The following CLOCK variants were observed in gnomAD, a reference collection of about 807,000 sequenced individuals.
The protein encoded by CLOCK is circadian locomoter output cycles protein kaput.
Under a neutral mutation model 118.4 loss-of-function variants are expected in CLOCK, and 43 were observed. That is an observed-to-expected ratio of 0.36 (90% CI 0.28 to 0.47). The LOEUF (loss-of-function observed/expected upper bound fraction) is 0.47. Ranked by LOEUF, CLOCK falls within the 20% of genes least tolerant of loss-of-function variation. The pLI is 1.00. For synonymous variants in CLOCK, 326 were observed against 339.2 expected (o/e 0.96, Z 0.43); for missense variants, 846 against 999.9 (o/e 0.85, Z 2.08).
chr4:55,474,000 T>C (rs905295773), intron 7 of CLOCK, among the ~76,000 whole-genome samples: 2 of 152,134 alleles, frequency 1.3e-5, no homozygotes, highest in African/African-American at 4.8e-5. Context: ...CTTTAAGTAT[T>C]CAAGTGAAAG....
rs1317731193 is a variant in CLOCK at position 55,478,883 on chromosome 4, C to T, written c.188G>A (p.Gly63Asp). The T allele has an allele frequency of 6.2e-7, 1 of 1,611,972 alleles. No individual in the cohort carries two copies. Among genetic ancestry groups the T allele is most frequent in the Non-Finnish European group, 8.5e-7 (1 of 1,178,748 alleles). The change falls in exon 6 of 23, where the codon GGT becomes GAT. Residue 63 changes from glycine (G) to aspartate (D), a missense_variant. This residue lies in a region of CLOCK where 246 missense variants were observed against 300.2 expected (regional missense o/e 0.82). Coordinates refer to ENST00000513440, the MANE Select transcript of CLOCK (RefSeq NM_004898.4). ...AGATTTGTCCATCTTTCTAGCATTA[C>T]CAGGAAGCATGGATCCCAGTTCTTT... ...LIKELGSMLP[G>D]NARKMDKSTV...
chr4:55,459,044 T>A (rs372647349), intron 10 of CLOCK, 34 bp from the exon 11 acceptor site: 111 of 1,562,946 alleles, frequency 7.1e-5, no homozygotes, highest in Admixed American at 2.8e-4. Context: ...TCATCAGTTA[T>A]GCCAGCAAAA....
chr4:55,455,334 T>C (rs189210830), intron 13 of CLOCK, among the ~76,000 whole-genome samples: 1 of 152,328 alleles, frequency 6.6e-6, no homozygotes, highest in African/African-American at 2.4e-5. Context: ...CTTACTGTGT[T>C]CTCAGCTTAC....
chr4:55,444,852 C>T, intron 18 of CLOCK, 67 bp from the exon 19 acceptor site: 1 of 1,501,600 alleles, frequency 6.7e-7, no homozygotes, highest in Non-Finnish European at 9.1e-7. Context: ...AATTGCACAA[C>T]ATGAAAAGTA....
chr4:55,542,948 C>A (rs7660980), intron 1 of CLOCK, among the ~76,000 whole-genome samples: 51,317 of 151,910 alleles, frequency 0.34, 9,356 homozygotes, highest in East Asian at 0.58. Flanking sequence ...AATCCAAGCA[C>A]CTTTTGGGTT....
Position 55,538,326 on chromosome 4 carries a change from C to T in CLOCK, c.-290+8456G>A, listed in dbSNP as rs180980392. On this transcript the variant is annotated intron_variant, in intron 1 of 22. Coordinates refer to ENST00000513440, the MANE Select transcript of CLOCK (RefSeq NM_004898.4). ...AGATAAACAGACCAATAGATGATGC[C>T]GATATTGGAAAAGACAAGCATTTAA... 5.5e-4 allele frequency among the ~76,000 whole-genome samples: 83 copies of T among 151,974 alleles called. 1 individual carries two copies. Among genetic ancestry groups the T allele is most frequent in the Non-Finnish European group, 9.0e-4 (61 of 67,982 alleles).
intron 1 of CLOCK, among the ~76,000 whole-genome samples, chr4:55,530,518 T>C (rs1205044897): frequency 6.6e-6 from 1 of 152,086 alleles, no homozygotes; most frequent in Non-Finnish European, 1.5e-5. Context: ...CTCATGCATA[T>C]AATCCCAGCA....
At chr4:55,479,024 T>C (rs1726734045) in intron 5 of CLOCK, 61 bp from the exon 6 acceptor site, 4 of 1,359,182 alleles carry the variant, frequency 2.9e-6, no homozygotes, top group Non-Finnish European at 4.1e-6. Context: ...AGTAGTTTAA[T>C]ACAATGTTAA....
rs1722338617 is a variant in CLOCK at position 55,428,732 on chromosome 4, C to A, written c.*6683G>T. ...ACAGAACATTATAAAGAATTTGGTG[C>A]ATGTTTTAACAACTACCAACTGATG... On this transcript the variant is annotated 3_prime_UTR_variant, in exon 23 of 23. Coordinates refer to ENST00000513440, the MANE Select transcript of CLOCK (RefSeq NM_004898.4). The A allele has an allele frequency of 1.3e-5, 2 of 151,486 alleles. No homozygotes were observed. Among genetic ancestry groups the A allele is most frequent in the African/African-American group, 4.9e-5 (2 of 41,196 alleles). 9.4% of individuals were successfully genotyped at this position (151,486 alleles called of 1,614,324 possible).
At chr4:55,501,479 C>A (rs11724094) in intron 2 of CLOCK, 51,803 of 151,542 alleles carry the variant, frequency 0.34, 9,537 homozygotes, top group East Asian at 0.58. Context: ...GTGTGGTGGC[C>A]TAATCACAGC....
At chr4:55,450,819 A>G (rs1452654090) in intron 15 of CLOCK, among the ~76,000 whole-genome samples, 1 of 152,010 alleles carries the variant, frequency 6.6e-6, no homozygotes, top group Non-Finnish European at 1.5e-5. Flanking sequence ...AAATTTTAAC[A>G]GCTAAAACTA....
intron 2 of CLOCK, among the ~76,000 whole-genome samples, chr4:55,490,643 T>C (rs1352474779): frequency 6.6e-6 from 1 of 152,188 alleles, no homozygotes; most frequent in Non-Finnish European, 1.5e-5. Flanking sequence ...TCCTCCCCTA[T>C]ACTTTAAATC....
intron 7 of CLOCK, among the ~76,000 whole-genome samples, chr4:55,473,015 T>C (rs1726254459): frequency 6.6e-6 from 1 of 152,084 alleles, no homozygotes; most frequent in Non-Finnish European, 1.5e-5. Context: ...CACCTGAGGC[T>C]GAGTTTGAGA....
chr4:55,530,959 A>G (rs1730504553), intron 1 of CLOCK, among the ~76,000 whole-genome samples: 1 of 151,998 alleles, frequency 6.6e-6, no homozygotes, highest in Non-Finnish European at 1.5e-5. Flanking sequence ...GGAGGGCTCT[A>G]AGAGTGATAT....
intron 1 of CLOCK, among the ~76,000 whole-genome samples, chr4:55,520,626 CA>C (rs1224831428): frequency 2.0e-5 from 3 of 152,016 alleles, no homozygotes; most frequent in Non-Finnish European, 2.9e-5. Context: ...TTCTCCCTCC[CA>C]AATCTTTTTA....
rs762661059 is a variant in CLOCK, at chr4:55,450,145, C to G, written c.1294G>C (p.Ala432Pro). 3.1e-5 allele frequency: 50 copies of G among 1,613,866 alleles called. No homozygotes were observed. The highest frequency in any genetic ancestry group is 4.0e-5 in the Non-Finnish European group (47 of 1,179,980). Residue 432 changes from alanine (A) to proline (P), a missense_variant, in exon 16 of 23, where the codon GCC (alanine) becomes CCC (proline). Ala to Pro is a conservative substitution (Grantham distance 27). Coordinates refer to ENST00000513440, the MANE Select transcript of CLOCK (RefSeq NM_004898.4). Reference protein sequence around the residue: ...ERFDHSPTPSASSRSSRKSSH... With the variant: ...ERFDHSPTPSPSSRSSRKSSH... ...GATTTTCTTGAACTCCGAGAAGAGGCAGAAGGGGTTGGGCTGTGATCAAAC... is the reference window on the plus strand; with the variant it reads ...GATTTTCTTGAACTCCGAGAAGAGGGAGAAGGGGTTGGGCTGTGATCAAAC...
At chr4:55,443,218 G>C (rs1165392913) in intron 20 of CLOCK, among the ~76,000 whole-genome samples, 1 of 152,122 alleles carries the variant, frequency 6.6e-6, no homozygotes, top group Non-Finnish European at 1.5e-5. Flanking sequence ...GCTCACACCT[G>C]TAATCCCAGC....
chr4:55,498,001 A>T (rs1246392892), intron 2 of CLOCK, among the ~76,000 whole-genome samples: 1 of 152,026 alleles, frequency 6.6e-6, no homozygotes, highest in African/African-American at 2.4e-5. Context: ...AACCTAAAAG[A>T]AGTACAGAAT....
rs1254109255 is a variant in CLOCK at position 55,434,523 on chromosome 4, T to G, written c.*892A>C. 1.3e-5 allele frequency: 2 copies of G among 152,454 alleles called. No homozygotes were observed. Among genetic ancestry groups the G allele is most frequent in the African/African-American group, 2.4e-5 (1 of 41,378 alleles). 9.4% of individuals were successfully genotyped at this position (152,454 alleles called of 1,614,324 possible). A position where few individuals can be genotyped will look rare whatever the true frequency, so the allele number is the denominator to read the frequency against. ...GTGCAAATCCTATTTTCAAACATAA[T>G]TGAAAAATAATGAAATGAGGGATAT... is the stretch of plus-strand genomic sequence containing the variant. On this transcript the variant is annotated 3_prime_UTR_variant, in exon 23 of 23. Coordinates refer to ENST00000513440, the MANE Select transcript of CLOCK (RefSeq NM_004898.4).
Sources: allele counts gnomAD v4.1 joint callset (sites outside exome capture counted in the v4.1 genomes callset), GRCh38; gene constraint gnomAD v4.1.1; regional missense constraint gnomAD v4.1.1; transcripts MANE v1.5; gene names NCBI Gene and HGNC (gene_info 2026-07-23, HGNC 2026-07-21).